Variants in SOX5 observed in about 807,000 individuals in gnomAD.
SOX5 encodes the protein transcription factor SOX-5.
A neutral mutation model predicts 92.0 loss-of-function variants in SOX5; 9 were observed. The ratio of observed to expected loss-of-function variants is 0.10; its 90% confidence interval spans 0.06 to 0.17. The LOEUF is 0.17. Among genes scored for constraint, SOX5 ranks in the 10% least tolerant of loss-of-function variants. The pLI is 1.00. For missense variants in SOX5, 642 were observed against 944.5 expected (o/e 0.68, Z 4.20); for synonymous variants, 344 against 336.3 (o/e 1.02, Z -0.25).
intron 4 of SOX5, among the ~76,000 whole-genome samples, chr12:24,007,242 T>A (rs1274453313): frequency 4.9e-4 from 5 of 10,188 alleles, no homozygotes; most frequent in Non-Finnish European, 1.2e-3. Flanking sequence ...TTTATATATA[T>A]AAATGTATAT....
intron 1 of SOX5, among the ~76,000 whole-genome samples, chr12:24,394,632 C>T (rs1959409972): frequency 6.6e-6 from 1 of 152,158 alleles, no homozygotes; most frequent in South Asian, 2.1e-4. Context: ...AATATTTGTA[C>T]AAATATCCAT....
At chr12:24,001,714 G>A (rs1384035710) in intron 4 of SOX5, among the ~76,000 whole-genome samples, 3 of 152,158 alleles carry the variant, frequency 2.0e-5, no homozygotes, top group Non-Finnish European at 4.4e-5. Context: ...CTGTATTTGT[G>A]TATTTGTGTG....
intron 1 of SOX5, among the ~76,000 whole-genome samples, chr12:23,905,396 C>T (rs938058377): frequency 3.3e-5 from 5 of 152,106 alleles, no homozygotes; most frequent in Non-Finnish European, 5.9e-5. Flanking sequence ...TGGCTGGAGA[C>T]ACCCAGAAAA....
intron 3 of SOX5, among the ~76,000 whole-genome samples, chr12:23,769,835 T>G (rs2094865363): frequency 6.6e-6 from 1 of 152,132 alleles, no homozygotes; most frequent in Non-Finnish European, 1.5e-5. Flanking sequence ...GCCATGATAC[T>G]CACTACCTCC....
chr12:24,478,625 C>T (rs1215443959), intron 1 of SOX5, among the ~76,000 whole-genome samples: 1 of 152,208 alleles, frequency 6.6e-6, no homozygotes, highest in African/African-American at 2.4e-5. Flanking sequence ...TATGGTGCTA[C>T]AGTAGCATCC....
intron 4 of SOX5, among the ~76,000 whole-genome samples, chr12:24,105,540 TAATC>T (rs557447387): frequency 6.9e-4 from 105 of 152,156 alleles, no homozygotes; most frequent in African/African-American, 2.5e-3. Flanking sequence ...GACTCTGTCT[TAATC>T]AATCAATCAA....
intron 3 of SOX5, among the ~76,000 whole-genome samples, chr12:23,777,894 C>G (rs1424660415): frequency 6.6e-6 from 1 of 152,190 alleles, no homozygotes; most frequent in African/African-American, 2.4e-5. Flanking sequence ...CTTAGTTGGT[C>G]TCAGTTCTAG....
intron 2 of SOX5, among the ~76,000 whole-genome samples, chr12:24,320,521 T>G (rs1283396313): frequency 6.6e-6 from 1 of 152,188 alleles, no homozygotes; most frequent in Non-Finnish European, 1.5e-5. Flanking sequence ...ATCAGCAGAT[T>G]TAATTTTTCT....
At chr12:23,931,744 T>C (rs1441019452) in intron 1 of SOX5, among the ~76,000 whole-genome samples, 1 of 151,742 alleles carries the variant, frequency 6.6e-6, no homozygotes, top group Non-Finnish European at 1.5e-5. Context: ...GAATCTGTTC[T>C]GACTGAGGTA....
chr12:24,244,613 T>C (rs1938245411), intron 3 of SOX5, among the ~76,000 whole-genome samples: 1 of 152,248 alleles, frequency 6.6e-6, no homozygotes, highest in African/African-American at 2.4e-5. Flanking sequence ...TCCCTGGAAA[T>C]TTGGAGAGAT....
intron 2 of SOX5, among the ~76,000 whole-genome samples, chr12:23,872,291 C>T (rs1377673602): frequency 2.7e-5 from 4 of 150,100 alleles, no homozygotes; most frequent in African/African-American, 9.8e-5. Flanking sequence ...GGATTACAGG[C>T]GTGGGCCACC....
rs1164391418 is a variant in SOX5, at chr12:24,376,690, CTTTTTTTTTTTTTTTTT to C, written c.-250-8068_-250-8052del. Reference sequence around the variant, plus strand: ...CAGAATGATGCTATGGGAGAGATACCTTTTTTTTTTTTTTTTTTTTTTTTTTTTTTTTTTTTTTTACA... The same window carrying C: ...CAGAATGATGCTATGGGAGAGATACCTTTTTTTTTTTTTTTTTTTTTTACA... On this transcript the variant is annotated intron_variant, in intron 1 of 4. Transcript: ENST00000446891. 5.6e-3 allele frequency among the ~76,000 whole-genome samples: 395 copies of C among 70,582 alleles called. 3 individuals are homozygous for C. Among genetic ancestry groups the C allele is most frequent in the South Asian group, 0.033 (57 of 1,718 alleles). 46.3% of individuals were successfully genotyped at this position (70,582 alleles called of 152,430 possible).
chr12:24,308,299 C>T (rs116411444), intron 2 of SOX5, among the ~76,000 whole-genome samples: 1 of 152,188 alleles, frequency 6.6e-6, no homozygotes, highest in South Asian at 2.1e-4. Flanking sequence ...TAACGCAAGA[C>T]CCGGGAAGTA....
intron 4 of SOX5, among the ~76,000 whole-genome samples, chr12:24,046,479 T>C (rs77829303): frequency 6.6e-6 from 1 of 152,320 alleles, no homozygotes; most frequent in African/African-American, 2.4e-5. Context: ...ATATCTGTGA[T>C]ATCCTAATTG....
chr12:23,589,148 C>G (rs1951166944), intron 9 of SOX5, among the ~76,000 whole-genome samples: 1 of 151,836 alleles, frequency 6.6e-6, no homozygotes, highest in South Asian at 2.1e-4. Flanking sequence ...ACGACTATGT[C>G]TTTGTATGGG....
intron 10 of SOX5, among the ~76,000 whole-genome samples, chr12:23,569,195 A>C (rs1350991415): frequency 6.6e-6 from 1 of 152,176 alleles, no homozygotes; most frequent in Non-Finnish European, 1.5e-5. Context: ...CTGTCTAAAG[A>C]CAAAAATAAA....
intron 3 of SOX5, among the ~76,000 whole-genome samples, chr12:23,828,316 CTG>C (rs1255757890): frequency 6.6e-6 from 1 of 152,116 alleles, no homozygotes; most frequent in Admixed American, 6.6e-5. Flanking sequence ...TGATGCATGA[CTG>C]TGTGTGTATG....
intron 1 of SOX5, among the ~76,000 whole-genome samples, chr12:23,914,959 T>G (rs995570451): frequency 6.6e-6 from 1 of 152,160 alleles, no homozygotes; most frequent in Non-Finnish European, 1.5e-5. Flanking sequence ...TTCAATCTAA[T>G]GAAGGACCTA....
chr12:23,809,559 T>G (rs753639069), intron 3 of SOX5, among the ~76,000 whole-genome samples: 13 of 151,796 alleles, frequency 8.6e-5, no homozygotes, highest in Non-Finnish European at 1.9e-4. Context: ...ATATTATTCT[T>G]AAATACCTTA....
Sources: gnomAD v4.1 joint callset for allele counts (sites outside exome capture counted in the v4.1 genomes callset) on GRCh38, gnomAD v4.1.1 for gene constraint, MANE v1.5 for transcripts, NCBI Gene and HGNC (gene_info 2026-07-23, HGNC 2026-07-21) for gene names.